STK32B: variants seen among roughly 807,000 people sequenced by gnomAD.
STK32B encodes serine/threonine kinase 32B.
STK32B carries 43 observed loss-of-function variants against 52.6 expected under a neutral mutation model. The observed-to-expected ratio is 0.82, with a 90% CI of 0.64 to 1.05. The LOEUF (loss-of-function observed/expected upper bound fraction) is 1.05, where lower values mean the gene tolerates loss of function less well. Among genes scored for constraint, STK32B ranks in the 50% least tolerant of loss-of-function variants. The pLI, the probability that STK32B is intolerant of heterozygous loss-of-function variation, is 0.00. For synonymous variants in STK32B, 238 were observed against 204.3 expected (o/e 1.17, Z -1.41); for missense variants, 621 against 534.6 (o/e 1.16, Z -1.59).
intron 2 of STK32B, among the ~76,000 whole-genome samples, chr4:5,147,449 C>T (rs912719383): frequency 1.1e-4 from 17 of 152,000 alleles, no homozygotes; most frequent in Non-Finnish European, 1.5e-5. Context: ...AGCTAAAACC[C>T]TCGGTACAAT....
intron 4 of STK32B, among the ~76,000 whole-genome samples, chr4:5,344,346 T>C (rs777108681): frequency 6.6e-6 from 1 of 152,210 alleles, no homozygotes; most frequent in East Asian, 1.9e-4. Context: ...ACCTATTACA[T>C]AGTGTCTCTT....
At chr4:5,159,898 C>T (rs548907626) in intron 2 of STK32B, among the ~76,000 whole-genome samples, 48 of 151,588 alleles carry the variant, frequency 3.2e-4, no homozygotes, top group Non-Finnish European at 5.3e-4. Context: ...AGGCTGGAGA[C>T]GCAGGAAGGA....
At position 5,446,929 on chromosome 4, in the gene STK32B, G is replaced by A. The variant is rs902013791; in HGVS notation, c.666+153G>A. Reference sequence around the variant, plus strand: ...GTTTCAGTCCTGATGCCTGTGTGCCGCCTATGAACGCCCTGAACTTCTGGT... The same window carrying A: ...GTTTCAGTCCTGATGCCTGTGTGCCACCTATGAACGCCCTGAACTTCTGGT... On this transcript the variant is annotated intron_variant, in intron 7 of 11. Coordinates refer to ENST00000282908, the MANE Select transcript of STK32B (RefSeq NM_018401.3). 10 of 635,714 alleles carry A rather than the reference G, an allele frequency of 1.6e-5. No homozygotes were observed. In the East Asian group the frequency reaches 2.0e-4, roughly 13 times the overall value. The allele number at this position is 635,714 out of a possible 1,614,324, so 39.4% of individuals were successfully genotyped here.
At chr4:5,203,694 C>T (rs1722333576) in intron 3 of STK32B, among the ~76,000 whole-genome samples, 1 of 152,246 alleles carries the variant, frequency 6.6e-6, no homozygotes, top group South Asian at 2.1e-4. Flanking sequence ...TAGAAGTTCT[C>T]CTTCCTAATT....
intron 3 of STK32B, among the ~76,000 whole-genome samples, chr4:5,196,077 C>T (rs1721627387): frequency 6.6e-6 from 1 of 152,142 alleles, no homozygotes; most frequent in South Asian, 2.1e-4. Context: ...AGGAAAGTGT[C>T]AAAGACAGGC....
chr4:5,391,118 C>T (rs888553913), intron 4 of STK32B, among the ~76,000 whole-genome samples: 7 of 152,024 alleles, frequency 4.6e-5, no homozygotes, highest in Non-Finnish European at 1.0e-4. Context: ...GCCACCACAC[C>T]TGGCTAATTT....
intron 11 of STK32B, among the ~76,000 whole-genome samples, chr4:5,488,643 T>C (rs553727897): frequency 7.2e-5 from 11 of 152,296 alleles, no homozygotes; most frequent in African/African-American, 2.6e-4. Context: ...GTCTTCTGCC[T>C]CCTCCTTAAA....
intron 4 of STK32B, among the ~76,000 whole-genome samples, chr4:5,347,270 C>T (rs976246603): frequency 6.6e-6 from 1 of 152,210 alleles, no homozygotes; most frequent in South Asian, 2.1e-4. Context: ...CAGCTGGCAC[C>T]TTTGTTGTGA....
intron 4 of STK32B, among the ~76,000 whole-genome samples, chr4:5,335,637 C>T (rs549031758): frequency 8.4e-4 from 127 of 152,026 alleles, no homozygotes; most frequent in African/African-American, 2.9e-3. Flanking sequence ...TTTCCCTCTA[C>T]GCACTGCTTT....
chr4:5,416,968 C>T (rs200473370), intron 6 of STK32B, 34 bp downstream of exon 6: 645 of 1,572,218 alleles, frequency 4.1e-4, no homozygotes, highest in African/African-American at 7.2e-4. Context: ...TTCATGTGAT[C>T]GGGCTCACTG....
intron 5 of STK32B, among the ~76,000 whole-genome samples, chr4:5,411,554 AGTGT>A (rs1223391972): frequency 6.6e-6 from 1 of 152,196 alleles, no homozygotes; most frequent in Non-Finnish European, 1.5e-5. Context: ...GATGATTTAA[AGTGT>A]GTGGGAGGTT....
intron 1 of STK32B, among the ~76,000 whole-genome samples, chr4:5,138,526 T>C (rs1253635989): frequency 1.3e-5 from 2 of 152,202 alleles, no homozygotes; most frequent in Non-Finnish European, 2.9e-5. Context: ...GATTAGTTCA[T>C]TCAGTCATTC....
the STK32B span, among the ~76,000 whole-genome samples, chr4:5,044,351 C>A: frequency 6.6e-6 from 1 of 152,126 alleles, no homozygotes; most frequent in Non-Finnish European, 1.5e-5. Flanking sequence ...AAACCTCAGA[C>A]ACATCTGCCC....
At chr4:5,078,784 C>T (rs1462059845) in intron 1 of STK32B, among the ~76,000 whole-genome samples, 1 of 152,142 alleles carries the variant, frequency 6.6e-6, no homozygotes, top group Admixed American at 6.5e-5. Context: ...CCAGAAGACC[C>T]CCTCCACCCT....
rs746246839 is a variant in STK32B, at chr4:5,426,692, C to CAAAAAAAAAAAAAAAAA, written c.562+9764_562+9780dup. ...GCAACAGGGCGAGACTCCATCTAAA[C>CAAAAAAAAAAAAAAAAA]AAAAAAAAAAAAAAAAAAAAAAGGA... On this transcript the variant is annotated intron_variant, in intron 6 of 11. Coordinates refer to ENST00000282908, the MANE Select transcript of STK32B (RefSeq NM_018401.3). 1.2e-4 allele frequency among the ~76,000 whole-genome samples: 9 copies of CAAAAAAAAAAAAAAAAA among 77,996 alleles called. 1 individual carries two copies. The highest frequency in any genetic ancestry group is 4.5e-4 in the East Asian group (1 of 2,230). 51.2% of individuals were successfully genotyped at this position (77,996 alleles called of 152,430 possible).
intron 6 of STK32B, among the ~76,000 whole-genome samples, chr4:5,444,557 G>A (rs1163521266): frequency 3.9e-5 from 6 of 152,138 alleles, no homozygotes; most frequent in East Asian, 1.9e-4. Flanking sequence ...GAAATCACCC[G>A]TCTTCTGCGT....
intron 3 of STK32B, among the ~76,000 whole-genome samples, chr4:5,266,293 T>C (rs932084019): frequency 6.6e-6 from 1 of 152,204 alleles, no homozygotes; most frequent in African/African-American, 2.4e-5. Flanking sequence ...CTTTTTAAGA[T>C]AGCGCAGTTA....
At position 5,112,008 on chromosome 4, in the gene STK32B, C is replaced by T. The variant is rs142866613; in HGVS notation, c.53-27897C>T. On this transcript the variant is annotated intron_variant, in intron 1 of 11. Transcript: ENST00000282908. Reference sequence around the variant, plus strand: ...GTGCATAACATGTCTTAAAATCATCCTACCCTTTGTTTAAGAGACTTGGGA... The same window carrying T: ...GTGCATAACATGTCTTAAAATCATCTTACCCTTTGTTTAAGAGACTTGGGA... Among the ~76,000 whole-genome samples the T allele has an allele frequency of 4.7e-3, 708 of 152,238 alleles. 2 individuals are homozygous for T. The highest frequency in any genetic ancestry group is 7.8e-3 in the Non-Finnish European group (531 of 68,008).
At chr4:5,236,318 A>G (rs931174675) in intron 3 of STK32B, among the ~76,000 whole-genome samples, 19 of 152,120 alleles carry the variant, frequency 1.2e-4, no homozygotes, top group African/African-American at 4.3e-4. Flanking sequence ...CCTTTTCCCT[A>G]GTGAATAGCC....
Sources: allele counts gnomAD v4.1 joint callset (sites outside exome capture counted in the v4.1 genomes callset), GRCh38; gene constraint gnomAD v4.1.1; transcripts MANE v1.5; gene names NCBI Gene and HGNC (gene_info 2026-07-23, HGNC 2026-07-21).